The following DNMT3B variants were observed in gnomAD, a reference collection of about 807,000 sequenced individuals.
The protein encoded by DNMT3B is DNA (cytosine-5)-methyltransferase 3B.
A neutral mutation model predicts 120.2 loss-of-function variants in DNMT3B; 37 were observed. That is an observed-to-expected ratio of 0.31 (90% CI 0.24 to 0.40). The LOEUF (loss-of-function observed/expected upper bound fraction) is 0.40, where lower values mean the gene tolerates loss of function less well. DNMT3B is among the 10% of genes least tolerant of loss of function. DNMT3B has a pLI of 1.00. For missense variants in DNMT3B, 878 were observed against 1,137.3 expected (o/e 0.77, Z 3.28); for synonymous variants, 412 against 442.8 (o/e 0.93, Z 0.87).
chr20:32,791,016 A>G (rs1979914352), intron 7 of DNMT3B, among the ~76,000 whole-genome samples: 1 of 152,190 alleles, frequency 6.6e-6, no homozygotes, highest in South Asian at 2.1e-4. Context: ...CTGGCAACTC[A>G]GTCAGTTCAT....
chr20:32,768,262 C>T (rs1418641880), intron 1 of DNMT3B, among the ~76,000 whole-genome samples: 1 of 139,406 alleles, frequency 7.2e-6, no homozygotes, highest in Middle Eastern at 3.4e-3. Flanking sequence ...ATGGCGGGAT[C>T]TCGGCTCACC....
At chr20:32,807,129 A>G (rs978496679) in intron 22 of DNMT3B, among the ~76,000 whole-genome samples, 2 of 152,184 alleles carry the variant, frequency 1.3e-5, no homozygotes, top group African/African-American at 4.8e-5. Flanking sequence ...GGCCTGAGGT[A>G]TCACATCTTT....
chr20:32,801,291 G>A lies in DNMT3B; in HGVS notation c.2010G>A (p.Arg670=), dbSNP rs1234126878. Residue 670 remains arginine (R), a synonymous_variant, in exon 19 of 23, where the codon CGG becomes CGA. Transcript: ENST00000328111. ...ARKGLYEGTG[R]LFFEFYHLLN... ...TTCTGAGCACAGAGGGTACAGGCCGGCTCTTCTTCGAATTTTACCACCTGC... is the reference window on the plus strand; with the variant it reads ...TTCTGAGCACAGAGGGTACAGGCCGACTCTTCTTCGAATTTTACCACCTGC... 1.2e-6 allele frequency: 2 copies of A among 1,614,132 alleles called. No individual in the cohort carries two copies. Among genetic ancestry groups the A allele is most frequent in the Non-Finnish European group, 8.5e-7 (1 of 1,180,038 alleles).
At chr20:32,765,522 G>A (rs1241940725) in intron 1 of DNMT3B, among the ~76,000 whole-genome samples, 2 of 149,312 alleles carry the variant, frequency 1.3e-5, no homozygotes, top group Admixed American at 6.7e-5. Context: ...CCGGGTTCAA[G>A]CAATTCTCCT....
At chr20:32,800,760 C>T in intron 17 of DNMT3B, 75 bp from the exon 18 acceptor site, 2 of 1,523,646 alleles carry the variant, frequency 1.3e-6, no homozygotes, top group Non-Finnish European at 1.8e-6. Flanking sequence ...CAGCCCCACG[C>T]AAGATTCTAG....
chr20:32,802,483 T>C lies in DNMT3B; in HGVS notation c.2231+13T>C. 1 of 1,613,552 alleles carries C rather than the reference T, an allele frequency of 6.2e-7. No homozygotes were observed. The highest frequency in any genetic ancestry group is 8.5e-7 in the Non-Finnish European group (1 of 1,179,458). On this transcript the variant is annotated intron_variant, in intron 20 of 22. Coordinates refer to ENST00000328111, the MANE Select transcript of DNMT3B (RefSeq NM_006892.4). ...CCGGGATGAACAGGTAACAAAGGGC[T>C]CTTAGTGGGTCAGGTAACAGCCAAG...
rs1214900513 is a variant in DNMT3B at position 32,807,734 on chromosome 20, T to C, written c.2421-28T>C. The C allele has an allele frequency of 1.9e-6, 3 of 1,613,492 alleles. No homozygotes were observed. The East Asian group carries it at 6.7e-5, about 36-fold the overall frequency. Reference sequence around the variant, plus strand: ...CAACATCCTGGAGGCACTTCTGACTTGCTGTCTTTTCACTCCGGTACCCCC... The same window carrying C: ...CAACATCCTGGAGGCACTTCTGACTCGCTGTCTTTTCACTCCGGTACCCCC... On this transcript the variant is annotated intron_variant, in intron 22 of 22. Coordinates refer to ENST00000328111, the MANE Select transcript of DNMT3B (RefSeq NM_006892.4).
chr20:32,802,516 T>C (rs765844949), intron 20 of DNMT3B, 46 bp downstream of exon 20: 2 of 1,565,598 alleles, frequency 1.3e-6, no homozygotes, highest in Non-Finnish European at 8.8e-7. Flanking sequence ...AAGTTAAATA[T>C]GTGATAACAA....
intron 6 of DNMT3B, among the ~76,000 whole-genome samples, chr20:32,787,777 T>C (rs1039064284): frequency 6.6e-6 from 1 of 152,144 alleles, no homozygotes; most frequent in Non-Finnish European, 1.5e-5. Flanking sequence ...AAACAGGCTT[T>C]GTGTGAGCAA....
rs1171431591 is a variant in DNMT3B at position 32,792,652 on chromosome 20, C to G, written c.948C>G (p.Thr316=). 7 of 1,614,144 alleles carry G rather than the reference C, an allele frequency of 4.3e-6. No individual in the cohort carries two copies. Among genetic ancestry groups the G allele is most frequent in the Admixed American group, 1.7e-5 (1 of 60,016 alleles). The change falls in exon 9 of 23, where the codon ACC becomes ACG. Residue 316 remains threonine, a synonymous_variant. Transcript: ENST00000328111. ...LEKARVRAGK[T]FPSSPGDSLE... ...AAGCTAGGGTGCGAGCTGGCAAGAC[C>G]TTCCCCAGCAGCCCTGGAGACTCAT... is the stretch of plus-strand genomic sequence containing the variant.
At chr20:32,795,559 T>A (rs1466397778) in intron 11 of DNMT3B, 25 bp downstream of exon 11, 1 of 1,614,158 alleles carries the variant, frequency 6.2e-7, no homozygotes, top group East Asian at 2.2e-5. Flanking sequence ...CCTGGGATCA[T>A]GGGACAGATG....
At position 32,801,329 on chromosome 20, in the gene DNMT3B, G is replaced by A. The variant is rs1165118132; in HGVS notation, c.2048G>A (p.Arg683His). 3 of 1,614,100 alleles carry A rather than the reference G, an allele frequency of 1.9e-6. No individual in the cohort carries two copies. The highest frequency in any genetic ancestry group is 1.7e-6 in the Non-Finnish European group (2 of 1,180,012). Residue 683 changes from arginine (R) to histidine (H), a missense_variant, in exon 19 of 23, where the codon CGC becomes CAC. By Grantham distance (29) the Arg-to-His change is conservative. This residue lies in a region of DNMT3B where 334 missense variants were observed against 518.8 expected (regional missense o/e 0.64). Coordinates refer to ENST00000328111, the MANE Select transcript of DNMT3B (RefSeq NM_006892.4). ...TTTTACCACCTGCTGAATTACTCACGCCCCAAGGAGGGTGATGACCGGCCG... is the reference window on the plus strand; with the variant it reads ...TTTTACCACCTGCTGAATTACTCACACCCCAAGGAGGGTGATGACCGGCCG... ...FEFYHLLNYSRPKEGDDRPFF... is the reference protein window; with the variant it reads ...FEFYHLLNYSHPKEGDDRPFF...
chr20:32,779,199 C>T (rs1007482446), intron 1 of DNMT3B, among the ~76,000 whole-genome samples: 1 of 152,098 alleles, frequency 6.6e-6, no homozygotes, highest in East Asian at 1.9e-4. Flanking sequence ...TATGCCTAGG[C>T]TTTTATAATA....
intron 7 of DNMT3B, among the ~76,000 whole-genome samples, chr20:32,791,052 A>T (rs182563230): frequency 1.8e-3 from 268 of 152,350 alleles, no homozygotes; most frequent in African/African-American, 5.9e-3. Context: ...TTGGTACATC[A>T]GGAGACTTGT....
intron 10 of DNMT3B, among the ~76,000 whole-genome samples, chr20:32,794,622 G>A (rs922013615): frequency 3.9e-5 from 6 of 152,060 alleles, no homozygotes; most frequent in East Asian, 3.9e-4. Flanking sequence ...CAAGATCCAC[G>A]TCATTGCCCT....
At chr20:32,781,206 T>G in intron 2 of DNMT3B, 147 bp from the exon 3 acceptor site, 1 of 811,968 alleles carries the variant, frequency 1.2e-6, no homozygotes, top group Admixed American at 2.0e-5. Context: ...TGAACGATAC[T>G]GACGGACTGA....
At chr20:32,793,624 C>G (rs1980253105) in intron 10 of DNMT3B, 29 bp downstream of exon 10, 3 of 1,611,258 alleles carry the variant, frequency 1.9e-6, no homozygotes, top group South Asian at 1.1e-5. Context: ...TTGACTGTGC[C>G]CTGTTTTCTA....
chr20:32,788,540 G>A (rs1312744950), intron 6 of DNMT3B, among the ~76,000 whole-genome samples: 1 of 152,118 alleles, frequency 6.6e-6, no homozygotes, highest in Non-Finnish European at 1.5e-5. Flanking sequence ...GGCCTCAAGC[G>A]ATCCTCCTAT....
At position 32,808,232 on chromosome 20, in the gene DNMT3B, A is replaced by G. The variant is rs1982179251; in HGVS notation, c.*329A>G. 3.1e-5 allele frequency: 13 copies of G among 418,778 alleles called. 1 individual carries two copies. Among genetic ancestry groups the G allele is most frequent in the South Asian group, 2.1e-4 (8 of 38,668 alleles). The allele number at this position is 418,778 out of a possible 1,614,324, so 25.9% of individuals were successfully genotyped here. A position where few individuals can be genotyped will look rare whatever the true frequency, so the allele number is the denominator to read the frequency against. On this transcript the variant is annotated 3_prime_UTR_variant, in exon 23 of 23. Transcript: ENST00000328111. ...TCCTGGGTCTACCACTCAGAGAAACAATGGCTAAGATACCAAAACCACAGT... is the reference window on the plus strand; with the variant it reads ...TCCTGGGTCTACCACTCAGAGAAACGATGGCTAAGATACCAAAACCACAGT...
Sources: gnomAD v4.1 joint callset for allele counts (sites outside exome capture counted in the v4.1 genomes callset) on GRCh38, gnomAD v4.1.1 for gene constraint, gnomAD v4.1.1 regional missense constraint, MANE v1.5 for transcripts, NCBI Gene and HGNC (gene_info 2026-07-23, HGNC 2026-07-21) for gene names.